The following DROSHA variants were observed in gnomAD, a reference collection of about 807,000 sequenced individuals.
DROSHA encodes ribonuclease 3.
Under a neutral mutation model 181.9 loss-of-function variants are expected in DROSHA, and 56 were observed. The observed-to-expected ratio is 0.31, with a 90% CI of 0.25 to 0.38. The LOEUF (loss-of-function observed/expected upper bound fraction) is 0.38. Ranked by LOEUF, DROSHA falls within the 10% of genes least tolerant of loss-of-function variation. The pLI is 1.00. For synonymous variants in DROSHA, 524 were observed against 591.2 expected, an observed-to-expected ratio of 0.89 and a Z score of 1.65; for missense variants, 1,218 against 1,743.5, an observed-to-expected ratio of 0.70 and a Z score of 5.37.
At position 31,433,280 on chromosome 5, in the gene DROSHA, A is replaced by G. The variant is rs115885450; in HGVS notation, c.3043-1602T>C. On this transcript the variant is annotated intron_variant, in intron 25 of 35. Transcript: ENST00000344624. ...CTCAAATGAGTTTTGACTACCGCAA[A>G]TGCAATAGCAGAAAATATCTCTTTT... is the stretch of plus-strand genomic sequence containing the variant. Among the ~76,000 whole-genome samples the G allele has an allele frequency of 6.6e-3, 1,006 of 152,336 alleles. 13 individuals carry two copies. Among genetic ancestry groups the G allele is most frequent in the African/African-American group, 0.023 (963 of 41,570 alleles).
In DROSHA at chr5:31,448,587, T is replaced by C; in HGVS notation, c.2842A>G (p.Ile948Val). Residue 948 changes from isoleucine (I) to valine (V), a missense_variant, in exon 23 of 36, where the codon ATC (isoleucine) becomes GTC (valine). Transcript: ENST00000344624. ...TCATCTTGGCCAAGGCGTGACATGATATTTATCAAGGTGTTAATCCCTATT... is the reference window on the plus strand; with the variant it reads ...TCATCTTGGCCAAGGCGTGACATGACATTTATCAAGGTGTTAATCCCTATT... ...RKKGINTLIN[I>V]MSRLGQDDPT... 1 of 1,613,690 alleles carries C rather than the reference T, an allele frequency of 6.2e-7. No individual in the cohort carries two copies. The highest frequency in any genetic ancestry group is 8.5e-7 in the Non-Finnish European group (1 of 1,179,718).
intron 30 of DROSHA, among the ~76,000 whole-genome samples, chr5:31,418,939 A>T (rs1742300666): frequency 6.6e-6 from 1 of 152,224 alleles, no homozygotes; most frequent in Non-Finnish European, 1.5e-5. Flanking sequence ...TGAAGAGATC[A>T]GTTTAGAAGT....
rs112758719 is a variant in DROSHA at position 31,516,935 on chromosome 5, A to G, written c.948-1371T>C. Among the ~76,000 whole-genome samples the G allele has an allele frequency of 4.9e-3, 747 of 152,254 alleles. 8 individuals carry two copies. The highest frequency in any genetic ancestry group is 0.017 in the African/African-American group (710 of 41,558). On this transcript the variant is annotated intron_variant, in intron 6 of 35. Transcript: ENST00000344624. ...TTTGTGTTCTTTGCACACTTGTCAGATTCTTTCCCAAATGCATACTTTTTA... is the reference window on the plus strand; with the variant it reads ...TTTGTGTTCTTTGCACACTTGTCAGGTTCTTTCCCAAATGCATACTTTTTA...
intron 11 of DROSHA, among the ~76,000 whole-genome samples, chr5:31,496,535 T>C (rs1274952046): frequency 1.3e-5 from 2 of 152,214 alleles, no homozygotes; most frequent in African/African-American, 2.4e-5. Flanking sequence ...ATAAACCCAC[T>C]GAAACATGCT....
chr5:31,485,098 T>G (rs746968954), intron 14 of DROSHA, 136 bp from the exon 15 acceptor site: 8 of 582,832 alleles, frequency 1.4e-5, no homozygotes, highest in Non-Finnish European at 2.4e-5. Flanking sequence ...CCTGAAGAGT[T>G]TGGCCACTGA....
rs558352739 is a variant in DROSHA at position 31,443,042 on chromosome 5, A to AT, written c.2882+5504dup. ...ATATGTGTCTCTGTTGGTCCGATAG[A>AT]TTTTTTTTTTTTTTTGAGACAGAGT... On this transcript the variant is annotated intron_variant, in intron 23 of 35. Coordinates refer to ENST00000344624, the MANE Select transcript of DROSHA (RefSeq NM_001382508.1). Among the ~76,000 whole-genome samples, 1,264 of 143,004 alleles carry AT rather than the reference A, an allele frequency of 8.8e-3. 4 individuals carry two copies. Among genetic ancestry groups the AT allele is most frequent in the African/African-American group, 0.02 (772 of 39,196 alleles). The allele number at this position is 143,004 out of a possible 152,430, so 93.8% of individuals were successfully genotyped here. A position where few individuals can be genotyped will look rare whatever the true frequency, so the allele number is the denominator to read the frequency against.
intron 20 of DROSHA, among the ~76,000 whole-genome samples, chr5:31,455,849 C>T (rs1747592657): frequency 6.6e-6 from 1 of 151,976 alleles, no homozygotes; most frequent in South Asian, 2.1e-4. Flanking sequence ...GCCATGTTGC[C>T]CAGGCTGGTC....
intron 23 of DROSHA, among the ~76,000 whole-genome samples, chr5:31,443,037 G>A (rs991524789): frequency 1.3e-5 from 2 of 150,928 alleles, no homozygotes; most frequent in African/African-American, 2.4e-5. Flanking sequence ...CTGTTGGTCC[G>A]ATAGATTTTT....
At chr5:31,518,846 A>G (rs1335631564) in intron 6 of DROSHA, among the ~76,000 whole-genome samples, 1 of 152,242 alleles carries the variant, frequency 6.6e-6, no homozygotes, top group African/African-American at 2.4e-5. Flanking sequence ...TTTATTGCCA[A>G]GAAACACAGG....
At chr5:31,404,872 T>C (rs1740461236) in intron 35 of DROSHA, among the ~76,000 whole-genome samples, 1 of 151,952 alleles carries the variant, frequency 6.6e-6, no homozygotes, top group Non-Finnish European at 1.5e-5. Context: ...CAGCAGGAAA[T>C]ATTATGCAGC....
intron 34 of DROSHA, among the ~76,000 whole-genome samples, chr5:31,406,309 G>A (rs962254739): frequency 6.6e-6 from 1 of 151,922 alleles, no homozygotes; most frequent in Non-Finnish European, 1.5e-5. Context: ...TCAGAAGTTC[G>A]AGACCAGCTT....
chr5:31,434,624 T>G (rs1744572600), intron 25 of DROSHA, among the ~76,000 whole-genome samples: 1 of 152,230 alleles, frequency 6.6e-6, no homozygotes, highest in African/African-American at 2.4e-5. Context: ...AACCACATTT[T>G]GAATATAATT....
In DROSHA at chr5:31,468,081, A is replaced by T. The variant is rs1277208699; in HGVS notation, c.2242-18T>A. The T allele has an allele frequency of 6.2e-7, 1 of 1,604,220 alleles. No homozygotes were observed. The highest frequency in any genetic ancestry group is 8.5e-7 in the Non-Finnish European group (1 of 1,174,604). On this transcript the variant is annotated intron_variant, in intron 17 of 35. Coordinates refer to ENST00000344624, the MANE Select transcript of DROSHA (RefSeq NM_001382508.1). ...CTTGGTTTCTAGAGAGAAAAATCAA[A>T]GCCATTTATTCCCATAAGAAGTCTT...
At chr5:31,530,499 G>A (rs1489423670) in intron 3 of DROSHA, among the ~76,000 whole-genome samples, 4 of 151,762 alleles carry the variant, frequency 2.6e-5, no homozygotes, top group South Asian at 2.1e-4. Context: ...ATTACCATTC[G>A]AGTACAAAGA....
chr5:31,528,874 G>T (rs1740896763), intron 4 of DROSHA, among the ~76,000 whole-genome samples, 166 bp downstream of exon 4: 1 of 152,168 alleles, frequency 6.6e-6, no homozygotes, highest in East Asian at 1.9e-4. Flanking sequence ...TGGCTTCCCA[G>T]CCCTGGGCAT....
intron 5 of DROSHA, among the ~76,000 whole-genome samples, chr5:31,524,916 C>T (rs7716911): frequency 0.051 from 7,703 of 152,200 alleles, 591 homozygotes; most frequent in African/African-American, 0.17. Flanking sequence ...AATTTTAGGC[C>T]AGGCATGGTG....
intron 12 of DROSHA, 25 bp from the exon 13 acceptor site, chr5:31,493,318 C>T: frequency 6.4e-7 from 1 of 1,565,936 alleles, no homozygotes; most frequent in South Asian, 1.2e-5. Flanking sequence ...AAACACGAAC[C>T]CCAAATTAAA....
chr5:31,449,316 T>C lies in DROSHA; in HGVS notation c.2786A>G (p.Asp929Gly). The C allele has an allele frequency of 6.2e-7, 1 of 1,613,824 alleles. No individual in the cohort carries two copies. The highest frequency in any genetic ancestry group is 8.5e-7 in the Non-Finnish European group (1 of 1,179,842). Residue 929 changes from aspartate to glycine, a missense_variant, in exon 22 of 36, where the codon GAC (aspartate) becomes GGC (glycine). By Grantham distance (94) the Asp-to-Gly change is moderately conservative. Coordinates refer to ENST00000344624, the MANE Select transcript of DROSHA (RefSeq NM_001382508.1). ...NCGIRQPKYG[D>G]RKVHHMHMRK... ...CATGTGCATGTGATGAACTTTTCTG[T>C]CTCCGTATTTGGGCTGCCGAATTCC...
At chr5:31,512,566 C>T (rs1355650897) in intron 8 of DROSHA, among the ~76,000 whole-genome samples, 1 of 152,178 alleles carries the variant, frequency 6.6e-6, no homozygotes, top group Non-Finnish European at 1.5e-5. Context: ...CCAAAGATGT[C>T]CATGTCCTAA....
Sources: allele counts gnomAD v4.1 joint callset (sites outside exome capture counted in the v4.1 genomes callset), GRCh38; gene constraint gnomAD v4.1.1; transcripts MANE v1.5; gene names NCBI Gene and HGNC (gene_info 2026-07-23, HGNC 2026-07-21).